DNAJC10: variants seen among roughly 807,000 people sequenced by gnomAD.
DNAJC10 encodes the protein DnaJ heat shock protein family (Hsp40) member C10.
DNAJC10 carries 101 observed loss-of-function variants against 115.0 expected under a neutral mutation model. The observed-to-expected ratio is 0.88, with a 90% confidence interval of 0.75 to 1.04. DNAJC10 has a LOEUF of 1.04. Ranked by LOEUF, DNAJC10 falls within the 50% of genes least tolerant of loss-of-function variation. DNAJC10 has a pLI of 0.00. For missense variants in DNAJC10, 981 were observed against 928.8 expected (o/e 1.06, Z -0.73); for synonymous variants, 307 against 301.5 (o/e 1.02, Z -0.19).
intron 11 of DNAJC10, among the ~76,000 whole-genome samples, chr2:182,737,935 C>T (rs557185126): frequency 8.0e-4 from 121 of 152,184 alleles, no homozygotes; most frequent in African/African-American, 2.6e-3. Flanking sequence ...GATACAGATA[C>T]GTAATTTTTC....
chr2:182,729,113 A>G (rs1174852309), intron 7 of DNAJC10, 119 bp downstream of exon 7: 3 of 1,011,818 alleles, frequency 3.0e-6, no homozygotes, highest in African/African-American at 1.6e-5. Flanking sequence ...ACAAGGTGCC[A>G]TCTCACTAGT....
intron 21 of DNAJC10, among the ~76,000 whole-genome samples, 177 bp downstream of exon 21, chr2:182,759,484 A>C (rs1694238991): frequency 6.6e-6 from 1 of 152,048 alleles, no homozygotes; most frequent in Non-Finnish European, 1.5e-5. Context: ...TTCTTTGTTA[A>C]AGCTTTTAGC....
intron 17 of DNAJC10, among the ~76,000 whole-genome samples, chr2:182,755,667 T>C (rs1694139691): frequency 6.6e-6 from 1 of 152,172 alleles, no homozygotes; most frequent in Non-Finnish European, 1.5e-5. Context: ...TGTTAAAATA[T>C]CATTTGGAAC....
At position 182,788,781 on chromosome 2, in the gene DNAJC10, A is replaced by G. The variant is rs1694995814; in HGVS notation, c.*11649A>G. 6.6e-6 allele frequency: 3 copies of G among 452,804 alleles called. No individual in the cohort carries two copies. The highest frequency in any genetic ancestry group is 3.2e-5 in the South Asian group (2 of 62,992). 28.0% of individuals were successfully genotyped at this position (452,804 alleles called of 1,614,324 possible). A position where few individuals can be genotyped will look rare whatever the true frequency, so the allele number is the denominator to read the frequency against. On this transcript the variant is annotated 3_prime_UTR_variant, in exon 24 of 24. Coordinates refer to ENST00000264065, the MANE Select transcript of DNAJC10 (RefSeq NM_018981.4). ...GTAGACTATTCAGAAGTTTTCTAAAATGGACTTCAAGCTCTATGACTTTAT... is the reference window on the plus strand; with the variant it reads ...GTAGACTATTCAGAAGTTTTCTAAAGTGGACTTCAAGCTCTATGACTTTAT...
chr2:182,739,415 A>G (rs1693674993), intron 11 of DNAJC10: 2 of 563,538 alleles, frequency 3.5e-6, no homozygotes, highest in Admixed American at 6.0e-5. Context: ...TGAATTTTAG[A>G]TCTTTCAAGT....
intron 5 of DNAJC10, among the ~76,000 whole-genome samples, chr2:182,722,947 T>C (rs1471683081): frequency 6.6e-6 from 1 of 151,486 alleles, no homozygotes; most frequent in Non-Finnish European, 1.5e-5. Flanking sequence ...AAAAAATACA[T>C]ATAAATCTAT....
intron 14 of DNAJC10, among the ~76,000 whole-genome samples, chr2:182,748,035 T>C (rs1268934131): frequency 2.7e-5 from 4 of 146,550 alleles, no homozygotes; most frequent in African/African-American, 7.8e-5. Context: ...ATTACATTTA[T>C]TGATTTGCGT....
chr2:182,743,513 G>A (rs1693788854), intron 13 of DNAJC10, 85 bp from the exon 14 acceptor site: 2 of 927,300 alleles, frequency 2.2e-6, no homozygotes, highest in African/African-American at 3.3e-5. Flanking sequence ...CATTAGGGCA[G>A]TGCCATTTTT....
intron 3 of DNAJC10, among the ~76,000 whole-genome samples, chr2:182,719,250 CTT>C (rs57284693): frequency 0.018 from 1,521 of 83,686 alleles, 7 homozygotes; most frequent in South Asian, 0.035. Context: ...GGATTGTTTT[CTT>C]TTTTTTTTTT....
At position 182,794,047 on chromosome 2, in the gene DNAJC10, A is replaced by G. The variant is rs1574970884; in HGVS notation, c.*16915A>G. On this transcript the variant is annotated 3_prime_UTR_variant, in exon 24 of 24. Transcript: ENST00000264065. ...ATATTTTTAGGTGGTTAGGTGATGA[A>G]ACACCTCCTCCAAATGAAGGCATAA... The G allele has an allele frequency of 6.6e-6, 1 of 152,144 alleles. No homozygotes were observed. Among genetic ancestry groups the G allele is most frequent in the East Asian group, 1.9e-4 (1 of 5,188 alleles). The allele number at this position is 152,144 out of a possible 1,614,324, so 9.4% of individuals were successfully genotyped here. A position where few individuals can be genotyped will look rare whatever the true frequency, so the allele number is the denominator to read the frequency against.
At chr2:182,752,599 T>G (rs1190355904) in intron 16 of DNAJC10, 2 of 932,106 alleles carry the variant, frequency 2.1e-6, no homozygotes, top group Admixed American at 1.2e-4. Context: ...TTGAAATCTT[T>G]GTTTAAATGA....
In DNAJC10 at chr2:182,757,730, C is replaced by T. The variant is rs745482171; in HGVS notation, c.1848C>T (p.Cys616=). The T allele has an allele frequency of 3.1e-6, 5 of 1,601,078 alleles. No homozygotes were observed. Among genetic ancestry groups the T allele is most frequent in the South Asian group, 1.1e-5 (1 of 88,068 alleles). ...TGLINVGSID[C]QQYHSFCAQE... ...TGATCAACGTGGGCAGTATAGATTGCCAACAGTATCATTCTTTTTGTGCCC... is the reference window on the plus strand; with the variant it reads ...TGATCAACGTGGGCAGTATAGATTGTCAACAGTATCATTCTTTTTGTGCCC... The change falls in exon 19 of 24, where the codon TGC becomes TGT. Residue 616 remains cysteine (C), a synonymous_variant. Coordinates refer to ENST00000264065, the MANE Select transcript of DNAJC10 (RefSeq NM_018981.4).
At chr2:182,732,740 A>T (rs1393761381) in intron 10 of DNAJC10, 198 bp downstream of exon 10, 4 of 566,958 alleles carry the variant, frequency 7.1e-6, no homozygotes, top group East Asian at 3.0e-5. Flanking sequence ...ACGTGGTATC[A>T]ATTCTAAGTG....
Position 182,731,012 on chromosome 2 carries a change from T to G in DNAJC10, c.728-18T>G, listed in dbSNP as rs1693430590. ...GTAATAGGTGATCAGAATTTGCTTT[T>G]TTTCTTTTATTTTTAAGGAAATTTT... On this transcript the variant is annotated intron_variant, in intron 8 of 23. Transcript: ENST00000264065. The G allele has an allele frequency of 1.9e-6, 3 of 1,597,282 alleles. No individual in the cohort carries two copies. The Admixed American group carries it at 5.2e-5, about 28-fold the overall frequency.
chr2:182,773,826 T>C (rs1315724693), intron 22 of DNAJC10, among the ~76,000 whole-genome samples: 1 of 152,268 alleles, frequency 6.6e-6, no homozygotes, highest in East Asian at 1.9e-4. Context: ...TGAAGTCTAC[T>C]TCTGTCAACT....
At chr2:182,753,275 A>G (rs1694071070) in intron 16 of DNAJC10, among the ~76,000 whole-genome samples, 1 of 152,166 alleles carries the variant, frequency 6.6e-6, no homozygotes, top group Admixed American at 6.5e-5. Flanking sequence ...AATGTTCTAA[A>G]TAACTCATAA....
intron 22 of DNAJC10, among the ~76,000 whole-genome samples, chr2:182,767,991 A>T (rs1694459030): frequency 6.6e-6 from 1 of 152,110 alleles, no homozygotes; most frequent in Non-Finnish European, 1.5e-5. Context: ...ATACGTATGA[A>T]TATGTTGCCG....
intron 17 of DNAJC10, 100 bp downstream of exon 17, chr2:182,755,204 G>T: frequency 1.4e-6 from 1 of 712,950 alleles, no homozygotes; most frequent in Non-Finnish European, 2.4e-6. Context: ...CTCTTTTCAT[G>T]CCCAAACTAT....
Position 182,732,494 on chromosome 2 carries a change from C to T in DNAJC10, c.806-5C>T, listed in dbSNP as rs76222904. 19 of 1,612,384 alleles carry T rather than the reference C, an allele frequency of 1.2e-5. No homozygotes were observed. In the South Asian group the frequency reaches 2.0e-4, roughly 17 times the overall value. On this transcript the variant is annotated splice_region_variant and splice_polypyrimidine_tract_variant and intron_variant, in intron 9 of 23. Transcript: ENST00000264065. ...AACTGCCTCATAAGGTTTTTTTGTC[C>T]CCAGATTGTTTGACTTCACAGACAC... is the stretch of plus-strand genomic sequence containing the variant.
Sources: allele counts gnomAD v4.1 joint callset (sites outside exome capture counted in the v4.1 genomes callset), GRCh38; gene constraint gnomAD v4.1.1; transcripts MANE v1.5; gene names NCBI Gene and HGNC (gene_info 2026-07-23, HGNC 2026-07-21).